GUCY1A2: variants seen among roughly 807,000 people sequenced by gnomAD.
The protein encoded by GUCY1A2 is guanylate cyclase soluble subunit alpha-2.
GUCY1A2 carries 27 observed loss-of-function variants against 63.5 expected under a neutral mutation model. The observed-to-expected ratio is 0.43, with a 90% confidence interval of 0.31 to 0.59. GUCY1A2 has a LOEUF of 0.59. Among genes scored for constraint, GUCY1A2 ranks in the 20% least tolerant of loss-of-function variants. GUCY1A2 has a pLI of 0.11. For synonymous variants in GUCY1A2, 364 were observed against 343.5 expected (o/e 1.06, Z -0.66); for missense variants, 768 against 913.3 (o/e 0.84, Z 2.05).
At chr11:106,751,834 TGAATAAA>T (rs1377611054) in intron 6 of GUCY1A2, among the ~76,000 whole-genome samples, 1 of 152,098 alleles carries the variant, frequency 6.6e-6, no homozygotes, top group African/African-American at 2.4e-5. Context: ...GTATGAAAAA[TGAATAAA>T]GAATTAACAA....
intron 4 of GUCY1A2, among the ~76,000 whole-genome samples, chr11:106,905,126 C>T (rs187053225): frequency 4.6e-4 from 70 of 152,102 alleles, no homozygotes; most frequent in African/African-American, 1.4e-3. Context: ...CATTAAGAGT[C>T]GGCAAACATG....
At chr11:106,772,071 A>G (rs960367711) in intron 6 of GUCY1A2, among the ~76,000 whole-genome samples, 79 of 152,052 alleles carry the variant, frequency 5.2e-4, no homozygotes, top group Non-Finnish European at 7.4e-5. Context: ...AAAATGCTAC[A>G]TTCTCTGGTT....
At chr11:106,865,652 G>A (rs1293387554) in intron 4 of GUCY1A2, among the ~76,000 whole-genome samples, 1 of 151,892 alleles carries the variant, frequency 6.6e-6, no homozygotes, top group East Asian at 1.9e-4. Flanking sequence ...CCTGTCAGCG[G>A]GTGAGGGTGA....
At chr11:106,927,185 A>T (rs930246610) in intron 4 of GUCY1A2, among the ~76,000 whole-genome samples, 5 of 151,678 alleles carry the variant, frequency 3.3e-5, no homozygotes, top group African/African-American at 1.2e-4. Flanking sequence ...CATCCTGGTG[A>T]ACACGGTGAA....
At chr11:106,978,541 G>A in intron 3 of GUCY1A2, 78 bp downstream of exon 3, 1 of 957,370 alleles carries the variant, frequency 1.0e-6, no homozygotes, top group Non-Finnish European at 1.5e-6. Context: ...CTCTTTGGTA[G>A]AACATGAAAC....
At chr11:106,756,549 C>CA (rs1261586145) in intron 6 of GUCY1A2, among the ~76,000 whole-genome samples, 1 of 152,114 alleles carries the variant, frequency 6.6e-6, no homozygotes, top group Non-Finnish European at 1.5e-5. Context: ...CTGGTGGTGA[C>CA]AAAATCTCTC....
chr11:106,705,113 A>G (rs1386259285), intron 7 of GUCY1A2, among the ~76,000 whole-genome samples: 1 of 152,134 alleles, frequency 6.6e-6, no homozygotes, highest in Non-Finnish European at 1.5e-5. Flanking sequence ...TAATGTTCAC[A>G]GGAACAAACT....
At chr11:106,872,129 A>C (rs2135465071) in intron 4 of GUCY1A2, among the ~76,000 whole-genome samples, 1 of 152,316 alleles carries the variant, frequency 6.6e-6, no homozygotes, top group Non-Finnish European at 1.5e-5. Context: ...CTCTACAGGC[A>C]ATTATGCTAG....
chr11:106,876,719 T>A (rs1213555384), intron 4 of GUCY1A2, among the ~76,000 whole-genome samples: 2 of 152,142 alleles, frequency 1.3e-5, no homozygotes, highest in Admixed American at 1.3e-4. Flanking sequence ...CAATCCTGTT[T>A]GCCACACTTC....
chr11:106,833,663 AT>A (rs1287362474), intron 4 of GUCY1A2, among the ~76,000 whole-genome samples: 3 of 152,078 alleles, frequency 2.0e-5, no homozygotes, highest in Non-Finnish European at 4.4e-5. Flanking sequence ...AGTACACGCC[AT>A]GTAGGCACTC....
intron 4 of GUCY1A2, among the ~76,000 whole-genome samples, chr11:106,909,830 T>A (rs551604454): frequency 6.6e-6 from 1 of 152,144 alleles, no homozygotes; most frequent in African/African-American, 2.4e-5. Context: ...GTATAGGTTT[T>A]TGTATGATCA....
intron 4 of GUCY1A2, among the ~76,000 whole-genome samples, chr11:106,855,131 G>A (rs569508080): frequency 2.0e-5 from 3 of 152,234 alleles, no homozygotes; most frequent in African/African-American, 4.8e-5. Flanking sequence ...CTTTGGTCTC[G>A]GGGAGTGAGT....
chr11:106,931,489 C>T (rs1032997978), intron 4 of GUCY1A2, among the ~76,000 whole-genome samples: 1 of 152,134 alleles, frequency 6.6e-6, no homozygotes, highest in East Asian at 1.9e-4. Context: ...GCAACAACTG[C>T]AAATCAGTTC....
chr11:106,803,085 C>T (rs1186409109), intron 5 of GUCY1A2, among the ~76,000 whole-genome samples: 1 of 152,136 alleles, frequency 6.6e-6, no homozygotes, highest in Non-Finnish European at 1.5e-5. Flanking sequence ...TTTTAGCCTT[C>T]TAACTGTCTT....
intron 6 of GUCY1A2, among the ~76,000 whole-genome samples, chr11:106,739,350 C>T (rs955246519): frequency 6.6e-6 from 1 of 152,178 alleles, no homozygotes; most frequent in African/African-American, 2.4e-5. Context: ...ATTTGACTTC[C>T]TCTCTTCCTA....
At chr11:106,966,977 A>G (rs957499257) in intron 3 of GUCY1A2, among the ~76,000 whole-genome samples, 1 of 152,334 alleles carries the variant, frequency 6.6e-6, no homozygotes, top group East Asian at 1.9e-4. Flanking sequence ...AAACAGTCTG[A>G]GGTACTAGAA....
chr11:106,826,308 C>T lies in GUCY1A2; in HGVS notation c.1207-15830G>A, dbSNP rs1591292321. ...TAATTTTCAGTGTGGTCATCATTAA[C>T]TCAATACAGTCATTCATTTTATTGA... On this transcript the variant is annotated intron_variant, in intron 4 of 7. Coordinates refer to ENST00000526355, the MANE Select transcript of GUCY1A2 (RefSeq NM_000855.3). The T allele has an allele frequency of 3.8e-6, 4 of 1,053,876 alleles. No homozygotes were observed. In the East Asian group the frequency reaches 1.0e-4, roughly 27 times the overall value. 65.3% of individuals were successfully genotyped at this position (1,053,876 alleles called of 1,614,324 possible).
intron 4 of GUCY1A2, among the ~76,000 whole-genome samples, chr11:106,818,738 A>T (rs572197248): frequency 1.6e-4 from 24 of 152,322 alleles, no homozygotes; most frequent in African/African-American, 5.3e-4. Flanking sequence ...AGGAAATTTT[A>T]AAAAATGCTA....
chr11:107,002,290 TTCCC>T (rs1291536043), intron 1 of GUCY1A2, among the ~76,000 whole-genome samples: 1 of 150,762 alleles, frequency 6.6e-6, no homozygotes, highest in East Asian at 2.0e-4. Context: ...ACCTCGAGAG[TTCCC>T]TCCATTAGTG....
Sources: gnomAD v4.1 joint callset for allele counts (sites outside exome capture counted in the v4.1 genomes callset) on GRCh38, gnomAD v4.1.1 for gene constraint, MANE v1.5 for transcripts, NCBI Gene and HGNC (gene_info 2026-07-23, HGNC 2026-07-21) for gene names.